Variants in DNAH17 observed in about 807,000 individuals in gnomAD.
DNAH17 encodes the protein axonemal beta dynein heavy chain 17.
In DNAH17, 376 loss-of-function variants were observed where a neutral mutation model predicts 485.6. The ratio of observed to expected loss-of-function variants is 0.77; its 90% confidence interval spans 0.71 to 0.84. The LOEUF (loss-of-function observed/expected upper bound fraction) is 0.84. Among genes scored for constraint, DNAH17 ranks in the 40% least tolerant of loss-of-function variants. DNAH17 has a pLI of 0.00. For synonymous variants in DNAH17, 3,031 were observed against 2,405.9 expected, an observed-to-expected ratio of 1.26 and a Z score of -7.60; for missense variants, 6,370 against 5,839.3, an observed-to-expected ratio of 1.09 and a Z score of -2.96.
At chr17:78,478,448 A>T (rs2089191988) in intron 51 of DNAH17, among the ~76,000 whole-genome samples, 1 of 150,160 alleles carries the variant, frequency 6.7e-6, no homozygotes, top group African/African-American at 2.5e-5. Context: ...TACCAACATT[A>T]CCATCACCAT....
Position 78,461,639 on chromosome 17 carries a change from G to A in DNAH17, c.9244C>T (p.Gln3082Ter). Reference sequence around the variant, plus strand: ...TCGATGCCGACCACCTGGATCAGTTGGTCTGCGCTCTCATTCTTCTGCTTG... The same window carrying A: ...TCGATGCCGACCACCTGGATCAGTTAGTCTGCGCTCTCATTCTTCTGCTTG... ...ELKQKNESAD[Q>*]LIQVVGIEAE... The change falls in exon 58 of 81, where the codon CAA (glutamine) becomes TAA (stop). Residue 3082 changes from glutamine to a stop codon, truncating the protein, a stop_gained. Transcript: ENST00000389840. LOFTEE classifies it high-confidence loss of function. The A allele has an allele frequency of 1.2e-6, 2 of 1,611,624 alleles. No homozygotes were observed. Among genetic ancestry groups the A allele is most frequent in the Non-Finnish European group, 1.7e-6 (2 of 1,179,186 alleles).
chr17:78,514,357 T>G (rs1181127288), intron 26 of DNAH17, among the ~76,000 whole-genome samples: 1 of 151,724 alleles, frequency 6.6e-6, no homozygotes, highest in Non-Finnish European at 1.5e-5. Flanking sequence ...ATACAAAAAT[T>G]AGCTGGGTGT....
In DNAH17 at chr17:78,484,966, G is replaced by C. The variant is rs1200289565; in HGVS notation, c.7551C>G (p.Leu2517=). 2.5e-6 allele frequency: 4 copies of C among 1,613,180 alleles called. No homozygotes were observed. The highest frequency in any genetic ancestry group is 2.7e-5 in the African/African-American group (2 of 74,890). ...RNYGPPGTKK[L]VYFIDDMNMP... ...TGTTCATGTCGTCGATGAAGTAGAC[G>C]AGCTTCTTAGTGCCTGGCGGCCCGT... Residue 2517 remains leucine, a synonymous_variant, in exon 48 of 81, where the codon CTC becomes CTG. Coordinates refer to ENST00000389840, the MANE Select transcript of DNAH17 (RefSeq NM_173628.4).
chr17:78,484,766 T>G (rs12952246), intron 48 of DNAH17, 102 bp downstream of exon 48: 1 of 554,986 alleles, frequency 1.8e-6, no homozygotes. Flanking sequence ...ACACCAGTCC[T>G]GCCCTACTGC....
Position 78,535,670 on chromosome 17 carries a change from G to GC in DNAH17, c.2859+1628dup, listed in dbSNP as rs1266754361. ...CAGAAATGCATGAGAGGAAACGCCTGCAGCCACATCCCTCTCCCCTCCCCT... is the reference window on the plus strand; with the variant it reads ...CAGAAATGCATGAGAGGAAACGCCTGCCAGCCACATCCCTCTCCCCTCCCCT... On this transcript the variant is annotated intron_variant, in intron 19 of 80. Coordinates refer to ENST00000389840, the MANE Select transcript of DNAH17 (RefSeq NM_173628.4). 2.0e-5 allele frequency among the ~76,000 whole-genome samples: 3 copies of GC among 152,182 alleles called. No homozygotes were observed. In the East Asian group the frequency reaches 5.8e-4, roughly 29 times the overall value.
intron 30 of DNAH17, 77 bp downstream of exon 30, chr17:78,506,643 C>T (rs571188464): frequency 3.8e-5 from 61 of 1,596,804 alleles, no homozygotes; most frequent in Admixed American, 1.3e-4. Flanking sequence ...CACCCTAGGG[C>T]GGTTGAGGTA....
Position 78,507,347 on chromosome 17 carries a change from T to C in DNAH17, c.4607A>G (p.Lys1536Arg). The C allele has an allele frequency of 5.0e-6, 8 of 1,614,002 alleles. No homozygotes were observed. Among genetic ancestry groups the C allele is most frequent in the South Asian group, 1.1e-5 (1 of 91,078 alleles). Reference protein sequence around the residue: ...EFKALMEDAVKTPNVVEATSK... With the variant: ...EFKALMEDAVRTPNVVEATSK... The stretch of plus-strand genomic sequence containing the variant: ...GGTGGCTTCCACCACGTTGGGTGTT[T>C]TCACTGCATCTTCCATCAAGGCCTG... Residue 1536 changes from lysine to arginine, a missense_variant, in exon 29 of 81, where the codon AAA becomes AGA. Lys to Arg is a conservative substitution (Grantham distance 26). Coordinates refer to ENST00000389840, the MANE Select transcript of DNAH17 (RefSeq NM_173628.4).
chr17:78,539,409 C>A (rs1335198490), intron 18 of DNAH17, among the ~76,000 whole-genome samples: 2 of 152,094 alleles, frequency 1.3e-5, no homozygotes, highest in African/African-American at 2.4e-5. Flanking sequence ...ACCCTCCCCC[C>A]AATCCACATG....
intron 38 of DNAH17, among the ~76,000 whole-genome samples, chr17:78,495,524 G>A (rs182238666): frequency 6.8e-6 from 1 of 147,906 alleles, no homozygotes. Flanking sequence ...TGCAACCTCC[G>A]CCTCCCAGGT....
At chr17:78,523,006 A>C (rs1054121724) in intron 25 of DNAH17, among the ~76,000 whole-genome samples, 2 of 151,958 alleles carry the variant, frequency 1.3e-5, no homozygotes, top group African/African-American at 4.8e-5. Context: ...AGTGCACACC[A>C]CCACGCCCAG....
chr17:78,490,584 G>T, intron 44 of DNAH17, 115 bp downstream of exon 44: 2 of 1,408,554 alleles, frequency 1.4e-6, no homozygotes, highest in East Asian at 2.5e-5. Context: ...CCTGGTGAGG[G>T]CCTGATACAC....
At chr17:78,441,014 T>G (rs759563480) in intron 72 of DNAH17, 37 bp downstream of exon 72, 129 of 1,553,084 alleles carry the variant, frequency 8.3e-5, no homozygotes, top group Non-Finnish European at 1.1e-4. Flanking sequence ...CTGACAATAC[T>G]CCGTCTTTGA....
intron 1 of DNAH17, among the ~76,000 whole-genome samples, chr17:78,576,450 CTG>C (rs1259676381): frequency 1.3e-5 from 2 of 152,160 alleles, no homozygotes; most frequent in African/African-American, 4.8e-5. Context: ...TCAGGCACAT[CTG>C]TGAAAGAAAA....
At chr17:78,491,646 C>T (rs2089863385) in intron 42 of DNAH17, 76 bp from the exon 43 acceptor site, 6 of 1,535,550 alleles carry the variant, frequency 3.9e-6, no homozygotes, top group Non-Finnish European at 5.3e-6. Flanking sequence ...CTGACCCTGG[C>T]CTCTCTCTCT....
rs764050292 is a variant in DNAH17 at position 78,475,344 on chromosome 17, C to T, written c.8445G>A (p.Ala2815=). The stretch of plus-strand genomic sequence containing the variant: ...GAAACACGTCAAGCCCGCTGATGTA[C>T]GCTGCCAGGCGGGAGAGGCTCTGTT... ...SGKQSLSRLA[A]YISGLDVFQI... The change falls in exon 54 of 81, where the codon GCG becomes GCA. Residue 2815 remains alanine (A), a synonymous_variant. Coordinates refer to ENST00000389840, the MANE Select transcript of DNAH17 (RefSeq NM_173628.4). 4.2e-5 allele frequency: 67 copies of T among 1,613,870 alleles called. 1 individual carries two copies. The highest frequency in any genetic ancestry group is 8.0e-5 in the African/African-American group (6 of 74,908).
intron 44 of DNAH17, among the ~76,000 whole-genome samples, chr17:78,488,541 C>T (rs1195967886): frequency 2.6e-5 from 4 of 152,170 alleles, no homozygotes; most frequent in Non-Finnish European, 2.9e-5. Flanking sequence ...TTCCTGTCCC[C>T]GTGTCTCAGC....
At chr17:78,463,272 T>G (rs1247302742) in intron 56 of DNAH17, among the ~76,000 whole-genome samples, 195 bp from the exon 57 acceptor site, 2 of 152,118 alleles carry the variant, frequency 1.3e-5, no homozygotes, top group African/African-American at 4.8e-5. Context: ...CATGGAAGGG[T>G]TTAGCTCAGC....
intron 78 of DNAH17, 91 bp downstream of exon 78, chr17:78,426,835 G>A: frequency 1.4e-6 from 2 of 1,460,486 alleles, no homozygotes. Context: ...CTGATCCGGG[G>A]CCTGTGCTAG....
At position 78,494,713 on chromosome 17, in the gene DNAH17, C is replaced by A; in HGVS notation, c.6150G>T (p.Ala2050=). The A allele has an allele frequency of 6.2e-7, 1 of 1,613,878 alleles. No individual in the cohort carries two copies. Among genetic ancestry groups the A allele is most frequent in the Non-Finnish European group, 8.5e-7 (1 of 1,179,884 alleles). ...TCTTGGGGATGTTGAAGTCTCTCAG[C>A]GCCCGCATGAGCACCTGGTCCTCTG... ...SRAEDQVLMR[A]LRDFNIPKIV... Residue 2050 remains alanine (A), a synonymous_variant, in exon 40 of 81, where the codon GCG becomes GCT. Coordinates refer to ENST00000389840, the MANE Select transcript of DNAH17 (RefSeq NM_173628.4).
Sources: allele counts gnomAD v4.1 joint callset (sites outside exome capture counted in the v4.1 genomes callset), GRCh38; gene constraint gnomAD v4.1.1; transcripts MANE v1.5; gene names NCBI Gene and HGNC (gene_info 2026-07-23, HGNC 2026-07-21).